The following FNBP4 variants were observed in gnomAD, a reference collection of about 807,000 sequenced individuals.
The protein encoded by FNBP4 is formin binding protein 4.
In FNBP4, 34 loss-of-function variants were observed where a neutral mutation model predicts 119.3. The ratio of observed to expected loss-of-function variants is 0.28; its 90% CI spans 0.22 to 0.38. The LOEUF is 0.38. Ranked by LOEUF, FNBP4 falls within the 10% of genes least tolerant of loss-of-function variation. The pLI is 1.00. For synonymous variants in FNBP4, 462 were observed against 430.6 expected, an observed-to-expected ratio of 1.07 and a Z score of -0.90; for missense variants, 1,112 against 1,228.9, an observed-to-expected ratio of 0.90 and a Z score of 1.42.
At chr11:47,763,624 C>CCGAGTAGCTGGGACTACAGG (rs2097640725) in intron 2 of FNBP4, among the ~76,000 whole-genome samples, 1 of 151,888 alleles carries the variant, frequency 6.6e-6, no homozygotes, top group Non-Finnish European at 1.5e-5. Flanking sequence ...CCTCAGCCTC[C>CCGAGTAGCTGGGACTACAGG]CGAGTAGCTG....
Position 47,732,728 on chromosome 11 carries a change from C to T in FNBP4, c.1687-58G>A, listed in dbSNP as rs1056060883. The T allele has an allele frequency of 6.5e-7, 1 of 1,529,060 alleles. No individual in the cohort carries two copies. The highest frequency in any genetic ancestry group is 1.1e-5 in the South Asian group (1 of 88,786). 94.7% of individuals were successfully genotyped at this position (1,529,060 alleles called of 1,614,324 possible). A position where few individuals can be genotyped will look rare whatever the true frequency, so the allele number is the denominator to read the frequency against. On this transcript the variant is annotated intron_variant, in intron 10 of 16. Transcript: ENST00000263773. This position sits in a 1 kb window ranked among gnomAD's most constrained non-coding sequence, Gnocchi z 4.2. ...ATTATTACATGTCAGGAGACACAGG[C>T]AAAGGGGATATAAACCTTCTGCTCC...
In FNBP4 at chr11:47,724,014, C is replaced by A; in HGVS notation, c.2464+14G>T. 1 of 1,611,010 alleles carries A rather than the reference C, an allele frequency of 6.2e-7. No homozygotes were observed. The highest frequency in any genetic ancestry group is 2.2e-5 in the East Asian group (1 of 44,860). ...CAATACATTGAGGAAAAACCACGCTCTATGCACAATTACCTGTAGCTATAG... is the reference window on the plus strand; with the variant it reads ...CAATACATTGAGGAAAAACCACGCTATATGCACAATTACCTGTAGCTATAG... On this transcript the variant is annotated intron_variant, in intron 14 of 16. Transcript: ENST00000263773.
chr11:47,765,981 C>G (rs927096886), intron 1 of FNBP4, among the ~76,000 whole-genome samples: 5 of 151,338 alleles, frequency 3.3e-5, no homozygotes, highest in Admixed American at 6.6e-5. Flanking sequence ...TCACCGTGCC[C>G]TGGAGTCTTT....
intron 6 of FNBP4, among the ~76,000 whole-genome samples, chr11:47,746,833 T>C (rs2097591311): frequency 6.6e-6 from 1 of 152,026 alleles, no homozygotes; most frequent in African/African-American, 2.4e-5. Context: ...TCCCAACAGG[T>C]GAGTATATAT....
In FNBP4 at chr11:47,720,859, G is replaced by A. The variant is rs143189333; in HGVS notation, c.2806-773C>T. Among the ~76,000 whole-genome samples, 354 of 151,888 alleles carry A rather than the reference G, an allele frequency of 2.3e-3. 2 individuals carry two copies. The highest frequency in any genetic ancestry group is 8.0e-3 in the African/African-American group (331 of 41,438). On this transcript the variant is annotated intron_variant, in intron 15 of 16. Transcript: ENST00000263773. ...GGGGGCGGTGGCGGCGGCGGTGGGC[G>A]ACTGTAGTCCCAGCTGCTTGGGAGG...
intron 8 of FNBP4, among the ~76,000 whole-genome samples, chr11:47,737,013 G>A (rs953277073): frequency 1.3e-5 from 2 of 152,042 alleles, no homozygotes; most frequent in Non-Finnish European, 2.9e-5. Flanking sequence ...AGACCATCTT[G>A]GCTAACACAG....
chr11:47,729,780 G>C (rs1227788255), intron 12 of FNBP4: 2 of 985,302 alleles, frequency 2.0e-6, no homozygotes, highest in Non-Finnish European at 2.4e-6. Flanking sequence ...AGCTGATTAA[G>C]AGCTCTCTTT....
Position 47,736,679 on chromosome 11 carries a change from T to C in FNBP4, c.1518A>G (p.Glu506=), listed in dbSNP as rs372448684. The C allele has an allele frequency of 1.6e-4, 256 of 1,605,368 alleles. No homozygotes were observed. Among genetic ancestry groups the C allele is most frequent in the South Asian group, 2.6e-4 (24 of 90,728 alleles). The change falls in exon 9 of 17, where the codon GAA becomes GAG. Residue 506 remains glutamate (E), a synonymous_variant. Transcript: ENST00000263773. The part of the protein sequence containing the change: ...DENSDKEMEV[E]ESPEKIKVQT... ...GTACTTTTATTTTCTCTGGAGATTC[T>C]TCTACTTCCATCTCTTTATCTGAAT...
At chr11:47,729,486 T>C in intron 12 of FNBP4, 1 of 985,404 alleles carries the variant, frequency 1.0e-6, no homozygotes, top group Non-Finnish European at 1.2e-6. Flanking sequence ...TCTTGGCTTC[T>C]CACAGTGTAA....
intron 2 of FNBP4, among the ~76,000 whole-genome samples, chr11:47,755,234 G>C (rs1334080588): frequency 6.6e-6 from 1 of 151,660 alleles, no homozygotes; most frequent in African/African-American, 2.4e-5. Context: ...CAGATCACCT[G>C]AAGTCAGGAG....
intron 6 of FNBP4, among the ~76,000 whole-genome samples, chr11:47,747,156 A>G (rs543160274): frequency 9.9e-5 from 15 of 151,914 alleles, no homozygotes; most frequent in Non-Finnish European, 1.9e-4. Flanking sequence ...TCACAGCCTT[A>G]GCCTCCCAAG....
chr11:47,767,120 T>C lies in FNBP4; in HGVS notation c.169A>G (p.Thr57Ala). ...SQPAPSAATT[T>A]TTAVTAAAAS... ...GCGGCGGCAGTCACCGCGGTGGTGGTGGTCGTCGCCGCCGACGGGGCGGGC... is the reference window on the plus strand; with the variant it reads ...GCGGCGGCAGTCACCGCGGTGGTGGCGGTCGTCGCCGCCGACGGGGCGGGC... The change falls in exon 1 of 17, where the codon ACC becomes GCC. Residue 57 changes from threonine (T) to alanine (A), a missense_variant. By Grantham distance (58) the Thr-to-Ala change is moderately conservative (BLOSUM62 0). Coordinates refer to ENST00000263773, the MANE Select transcript of FNBP4 (RefSeq NM_015308.5). 1 of 1,524,850 alleles carries C rather than the reference T, an allele frequency of 6.6e-7. No homozygotes were observed. Among genetic ancestry groups the C allele is most frequent in the Non-Finnish European group, 8.8e-7 (1 of 1,136,856 alleles). 94.5% of individuals were successfully genotyped at this position (1,524,850 alleles called of 1,614,324 possible).
chr11:47,742,587 A>T (rs1400602438), intron 8 of FNBP4, among the ~76,000 whole-genome samples: 2 of 151,658 alleles, frequency 1.3e-5, no homozygotes, highest in Admixed American at 1.3e-4. Flanking sequence ...CGAACTGCCA[A>T]CTGAAAAGAA....
rs2097569036 is a variant in FNBP4, at chr11:47,732,841, G to A, written c.1687-171C>T. On this transcript the variant is annotated intron_variant, in intron 10 of 16. Coordinates refer to ENST00000263773, the MANE Select transcript of FNBP4 (RefSeq NM_015308.5). This position sits in a 1 kb window ranked among gnomAD's most constrained non-coding sequence, Gnocchi z 4.2. ...ATCTCATAAAATAATCTTAAGGCCG[G>A]GCATGGTGGCTCACGCCTGTAATCC... Among the ~76,000 whole-genome samples the A allele has an allele frequency of 6.6e-6, 1 of 152,208 alleles. No homozygotes were observed. Among genetic ancestry groups the A allele is most frequent in the African/African-American group, 2.4e-5 (1 of 41,458 alleles).
At chr11:47,752,259 A>G (rs1394709978) in intron 4 of FNBP4, among the ~76,000 whole-genome samples, 1 of 149,882 alleles carries the variant, frequency 6.7e-6, no homozygotes, top group Non-Finnish European at 1.5e-5. Flanking sequence ...CCCCATCTCT[A>G]CTAAAAATAC....
chr11:47,746,027 C>A (rs1441905088), intron 7 of FNBP4, 29 bp downstream of exon 7: 1 of 1,548,582 alleles, frequency 6.5e-7, no homozygotes, highest in Non-Finnish European at 8.7e-7. Flanking sequence ...GAGGAAAAAA[C>A]ATTCTACAAG....
Position 47,717,299 on chromosome 11 carries a change from G to A in FNBP4, c.*123C>T. 1 of 674,468 alleles carries A rather than the reference G, an allele frequency of 1.5e-6. No homozygotes were observed. Among genetic ancestry groups the A allele is most frequent in the Non-Finnish European group, 2.5e-6 (1 of 406,460 alleles). 41.8% of individuals were successfully genotyped at this position (674,468 alleles called of 1,614,324 possible). ...GAAAACTTTGTATGCATACACTCTT[G>A]CCCAGGAAATTTATAAGATCTCCCC... On this transcript the variant is annotated 3_prime_UTR_variant, in exon 17 of 17. Coordinates refer to ENST00000263773, the MANE Select transcript of FNBP4 (RefSeq NM_015308.5).
intron 2 of FNBP4, among the ~76,000 whole-genome samples, chr11:47,756,036 C>A (rs1249862630): frequency 6.6e-6 from 1 of 152,216 alleles, no homozygotes; most frequent in East Asian, 1.9e-4. Context: ...AGCTTTTAAT[C>A]AATGATTATT....
rs770610105 is a variant in FNBP4, at chr11:47,754,624, G to A, written c.354C>T (p.Asp118=). 2.4e-5 allele frequency: 38 copies of A among 1,613,994 alleles called. No individual in the cohort carries two copies. The highest frequency in any genetic ancestry group is 3.3e-4 in the Middle Eastern group (2 of 6,060). Residue 118 remains aspartate (D), a synonymous_variant, in exon 3 of 17, where the codon GAC becomes GAT. Coordinates refer to ENST00000263773, the MANE Select transcript of FNBP4 (RefSeq NM_015308.5). ...CLLGAYADSD[D]DDNDVSEKLA... ...GTTTTTCGGAAACATCATTGTCATC[G>A]TCATCACTGTCAGCATAAGCACCAA...
Sources: gnomAD v4.1 joint callset for allele counts (sites outside exome capture counted in the v4.1 genomes callset) on GRCh38, gnomAD v4.1.1 for gene constraint, Gnocchi (gnomAD v3.1) non-coding constraint, MANE v1.5 for transcripts, NCBI Gene and HGNC (gene_info 2026-07-23, HGNC 2026-07-21) for gene names.